The following DAGLA variants were observed in gnomAD, a reference collection of about 807,000 sequenced individuals.
DAGLA encodes the protein diacylglycerol lipase-alpha.
Under a neutral mutation model 102.6 loss-of-function variants are expected in DAGLA, and 22 were observed. That is an observed-to-expected ratio of 0.21 (90% CI 0.15 to 0.31). The LOEUF is 0.31. Among genes scored for constraint, DAGLA ranks in the 10% least tolerant of loss-of-function variants. The probability of loss-of-function intolerance (pLI) is 1.00; values close to 1 mark genes in which losing one functional copy is unlikely to be tolerated. For synonymous variants in DAGLA, 578 were observed against 628.9 expected (o/e 0.92, Z 1.21); for missense variants, 927 against 1,446.6 (o/e 0.64, Z 5.83).
intron 1 of DAGLA, among the ~76,000 whole-genome samples, chr11:61,681,504 G>A (rs531414734): frequency 7.2e-5 from 11 of 152,114 alleles, no homozygotes; most frequent in Non-Finnish European, 1.3e-4. Flanking sequence ...CCGGGTCAGC[G>A]AGTGAGGGAG....
At chr11:61,701,336 A>G (rs1555040577) in intron 1 of DAGLA, among the ~76,000 whole-genome samples, 1 of 152,204 alleles carries the variant, frequency 6.6e-6, no homozygotes, top group Non-Finnish European at 1.5e-5. Context: ...CATGGGGACT[A>G]GGAGCCAGCC....
chr11:61,720,665 C>T lies in DAGLA; in HGVS notation c.96-14C>T, dbSNP rs377675911. On this transcript the variant is annotated splice_polypyrimidine_tract_variant and intron_variant, in intron 2 of 19. Coordinates refer to ENST00000257215, the MANE Select transcript of DAGLA (RefSeq NM_006133.3). ...GGCCACCTGGCCTTGCTCACACGGGCGTTCCTGTGACAGGTTTGTGATCCT... is the reference window on the plus strand; with the variant it reads ...GGCCACCTGGCCTTGCTCACACGGGTGTTCCTGTGACAGGTTTGTGATCCT... 97 of 1,612,440 alleles carry T rather than the reference C, an allele frequency of 6.0e-5. No individual in the cohort carries two copies. The highest frequency in any genetic ancestry group is 3.2e-4 in the African/African-American group (24 of 74,898).
At chr11:61,716,723 G>A (rs76744879) in intron 1 of DAGLA, among the ~76,000 whole-genome samples, 1 of 152,318 alleles carries the variant, frequency 6.6e-6, no homozygotes, top group East Asian at 1.9e-4. Flanking sequence ...TGGGGAGCCA[G>A]GAAGGTTTTT....
chr11:61,702,122 G>C (rs776023343), intron 1 of DAGLA, among the ~76,000 whole-genome samples: 1 of 151,878 alleles, frequency 6.6e-6, no homozygotes, highest in Non-Finnish European at 1.5e-5. Flanking sequence ...TACTAGTTTC[G>C]AACTCCTGGC....
At chr11:61,742,722 T>C (rs1434401789) in intron 19 of DAGLA, among the ~76,000 whole-genome samples, 4 of 152,092 alleles carry the variant, frequency 2.6e-5, no homozygotes, top group African/African-American at 9.7e-5. Flanking sequence ...TGGGCAGCTA[T>C]GTGCAGGGCT....
At chr11:61,712,201 A>T (rs1164871405) in intron 1 of DAGLA, among the ~76,000 whole-genome samples, 1 of 152,034 alleles carries the variant, frequency 6.6e-6, no homozygotes, top group African/African-American at 2.4e-5. Flanking sequence ...AGAACACAGC[A>T]GGTAGACCTG....
chr11:61,733,324 C>T (rs1422995757), intron 9 of DAGLA, among the ~76,000 whole-genome samples: 1 of 152,212 alleles, frequency 6.6e-6, no homozygotes, highest in African/African-American at 2.4e-5. Flanking sequence ...GCCCCTAGAC[C>T]CTGGCCCATC....
intron 6 of DAGLA, 140 bp downstream of exon 6, chr11:61,726,222 G>A: frequency 1.3e-6 from 1 of 758,538 alleles, no homozygotes; most frequent in Non-Finnish European, 2.3e-6. Context: ...AGTATGGCCT[G>A]CTCACACAGG....
intron 1 of DAGLA, among the ~76,000 whole-genome samples, chr11:61,703,960 G>C (rs886574218): frequency 6.6e-6 from 1 of 152,176 alleles, no homozygotes; most frequent in Non-Finnish European, 1.5e-5. Flanking sequence ...GACACAAAGA[G>C]TAAGACCCCA....
chr11:61,715,713 G>C (rs915086354), intron 1 of DAGLA, among the ~76,000 whole-genome samples: 4 of 152,324 alleles, frequency 2.6e-5, no homozygotes, highest in African/African-American at 4.8e-5. Context: ...GCACCTTCCA[G>C]ACCCCAGCAC....
chr11:61,737,957 A>C, intron 15 of DAGLA, among the ~76,000 whole-genome samples, 178 bp from the exon 16 acceptor site: 1 of 150,542 alleles, frequency 6.6e-6, no homozygotes, highest in Admixed American at 6.6e-5. Flanking sequence ...CTGTCCTCTC[A>C]CTCCTCAGCT....
At chr11:61,695,566 C>G (rs992302200) in intron 1 of DAGLA, among the ~76,000 whole-genome samples, 2 of 152,210 alleles carry the variant, frequency 1.3e-5, no homozygotes, top group African/African-American at 4.8e-5. Flanking sequence ...CCACCCCGCT[C>G]CAGCCAACTG....
At chr11:61,727,015 G>A (rs984321688) in intron 6 of DAGLA, among the ~76,000 whole-genome samples, 2 of 152,228 alleles carry the variant, frequency 1.3e-5, no homozygotes, top group Admixed American at 1.3e-4. Context: ...TGGGGCTGCT[G>A]TGTGGAGGGC....
intron 1 of DAGLA, among the ~76,000 whole-genome samples, chr11:61,706,654 C>T (rs1046961235): frequency 1.3e-5 from 2 of 152,322 alleles, no homozygotes; most frequent in South Asian, 2.1e-4. Context: ...TAGCAGCCGG[C>T]GGCCACTGAA....
chr11:61,730,311 G>A (rs530509613), intron 8 of DAGLA, among the ~76,000 whole-genome samples: 10 of 151,898 alleles, frequency 6.6e-5, no homozygotes, highest in Non-Finnish European at 1.3e-4. Context: ...GACTCCCATC[G>A]AGGTGCCAGG....
chr11:61,691,852 G>GCACC (rs2065027217), intron 1 of DAGLA, among the ~76,000 whole-genome samples: 2 of 152,232 alleles, frequency 1.3e-5, no homozygotes, highest in South Asian at 4.1e-4. Context: ...CCTCTCAGCT[G>GCACC]CAGTTTCCAC....
intron 8 of DAGLA, 105 bp downstream of exon 8, chr11:61,729,113 T>C (rs1010981569): frequency 8.1e-6 from 8 of 991,120 alleles, no homozygotes; most frequent in African/African-American, 1.6e-5. Context: ...GCCAGCCACA[T>C]TGCCCCTGCC....
At chr11:61,731,580 G>A (rs1271310364) in intron 9 of DAGLA, 139 bp downstream of exon 9, 5 of 1,205,846 alleles carry the variant, frequency 4.1e-6, no homozygotes, top group East Asian at 4.8e-5. Flanking sequence ...AACCTTTCTA[G>A]TTCTGTGTTA....
rs531696238 is a variant in DAGLA at position 61,684,798 on chromosome 11, C to T, written c.-45+4294C>T. Among the ~76,000 whole-genome samples the T allele has an allele frequency of 2.1e-4, 32 of 151,950 alleles. No individual in the cohort carries two copies. Among genetic ancestry groups the T allele is most frequent in the Non-Finnish European group, 4.6e-4 (31 of 67,974 alleles). On this transcript the variant is annotated intron_variant, in intron 1 of 19. Coordinates refer to ENST00000257215, the MANE Select transcript of DAGLA (RefSeq NM_006133.3). The surrounding 1 kb of genome is among the most constrained non-coding windows in gnomAD (Gnocchi z 4.5). ...CGCGCAGGCTCCCGTGTCTGGCTGG[C>T]CTGGTGTTGGTGGGTGTGCGGAGCT...
Sources: allele counts gnomAD v4.1 joint callset (sites outside exome capture counted in the v4.1 genomes callset), GRCh38; gene constraint gnomAD v4.1.1; non-coding constraint Gnocchi (gnomAD v3.1); transcripts MANE v1.5; gene names NCBI Gene and HGNC (gene_info 2026-07-23, HGNC 2026-07-21).